CTNNA3: variants seen among roughly 807,000 people sequenced by gnomAD.
The protein encoded by CTNNA3 is catenin alpha 3, also known as catenin alpha-3.
CTNNA3 carries 76 observed loss-of-function variants against 95.7 expected under a neutral mutation model. The observed-to-expected ratio is 0.79, with a 90% CI of 0.66 to 0.96. CTNNA3 has a LOEUF of 0.96. Ranked by LOEUF, CTNNA3 falls within the 40% of genes least tolerant of loss-of-function variation. CTNNA3 has a pLI of 0.00. For synonymous variants in CTNNA3, 431 were observed against 374.4 expected, an observed-to-expected ratio of 1.15 and a Z score of -1.74; for missense variants, 1,191 against 1,089.8, an observed-to-expected ratio of 1.09 and a Z score of -1.31.
At chr10:67,023,366 C>T (rs192519288) in intron 7 of CTNNA3, among the ~76,000 whole-genome samples, 345 of 152,196 alleles carry the variant, frequency 2.3e-3, no homozygotes, top group African/African-American at 7.7e-3. Flanking sequence ...TTCATGCTTC[C>T]TGAAGTCAAG....
intron 11 of CTNNA3, among the ~76,000 whole-genome samples, chr10:66,452,222 T>C (rs1167811906): frequency 1.3e-5 from 2 of 152,242 alleles, no homozygotes; most frequent in African/African-American, 4.8e-5. Context: ...GCATTCTTTA[T>C]ATTCTATTCA....
intron 7 of CTNNA3, among the ~76,000 whole-genome samples, chr10:67,121,850 G>A (rs1380141711): frequency 6.6e-6 from 1 of 151,830 alleles, no homozygotes; most frequent in Admixed American, 6.6e-5. Flanking sequence ...GCCAAACAGG[G>A]ATATAGGTCC....
At chr10:66,209,089 G>A (rs944611009) in intron 13 of CTNNA3, among the ~76,000 whole-genome samples, 59 of 152,020 alleles carry the variant, frequency 3.9e-4, no homozygotes, top group African/African-American at 1.4e-3. Flanking sequence ...ATCTTCTAAT[G>A]AGCTGGCTAT....
At chr10:67,761,029 T>C (rs1423072188) in intron 1 of CTNNA3, among the ~76,000 whole-genome samples, 1 of 152,218 alleles carries the variant, frequency 6.6e-6, no homozygotes, top group East Asian at 1.9e-4. Context: ...AACTGGTCTC[T>C]GGTACCAAAA....
intron 12 of CTNNA3, among the ~76,000 whole-genome samples, chr10:66,298,187 T>A (rs1412762017): frequency 6.6e-6 from 1 of 152,164 alleles, no homozygotes; most frequent in African/African-American, 2.4e-5. Context: ...AGGTAGTTGA[T>A]AAAATAGCAA....
intron 7 of CTNNA3, among the ~76,000 whole-genome samples, chr10:66,908,807 A>C (rs2132550931): frequency 6.6e-6 from 1 of 152,186 alleles, no homozygotes; most frequent in East Asian, 1.9e-4. Flanking sequence ...TGCTTTTTTC[A>C]TGCTAGCACT....
chr10:66,224,018 G>A (rs2089123156), intron 13 of CTNNA3, among the ~76,000 whole-genome samples: 1 of 152,114 alleles, frequency 6.6e-6, no homozygotes, highest in Non-Finnish European at 1.5e-5. Flanking sequence ...GCAACACAGT[G>A]AGGCCCTGTC....
intron 12 of CTNNA3, among the ~76,000 whole-genome samples, chr10:66,285,826 T>C (rs150969083): frequency 7.2e-4 from 110 of 152,038 alleles, no homozygotes; most frequent in African/African-American, 2.6e-3. Flanking sequence ...ATTAAGCATA[T>C]GAATAAGAAG....
intron 5 of CTNNA3, among the ~76,000 whole-genome samples, chr10:67,441,200 C>G (rs1274201773): frequency 6.8e-6 from 1 of 147,190 alleles, no homozygotes; most frequent in Admixed American, 6.8e-5. Context: ...CAGAACTGGT[C>G]AATCAGAAGA....
rs1385173435 is a variant in CTNNA3, at chr10:66,927,328, T to C, written c.1048-151804A>G. The stretch of plus-strand genomic sequence containing the variant: ...CAGACCTGTGACAAATTTACGGAAC[T>C]TGGATCTGTCCTATAATCAGCTGCA... On this transcript the variant is annotated intron_variant, in intron 7 of 17. Coordinates refer to ENST00000433211, the MANE Select transcript of CTNNA3 (RefSeq NM_013266.4). The surrounding 1 kb of genome is among the most constrained non-coding windows in gnomAD (Gnocchi z 4.7). 1.9e-6 allele frequency: 3 copies of C among 1,614,050 alleles called. No individual in the cohort carries two copies. Among genetic ancestry groups the C allele is most frequent in the Admixed American group, 1.7e-5 (1 of 60,002 alleles).
chr10:67,172,618 G>C (rs1459377280), intron 7 of CTNNA3, among the ~76,000 whole-genome samples: 1 of 152,032 alleles, frequency 6.6e-6, no homozygotes, highest in East Asian at 1.9e-4. Context: ...GTTTGCTTGA[G>C]ATGCCTTTTG....
chr10:67,405,025 C>A (rs908456122), intron 5 of CTNNA3, among the ~76,000 whole-genome samples: 11 of 152,052 alleles, frequency 7.2e-5, no homozygotes, highest in African/African-American at 2.7e-4. Flanking sequence ...AATTTGTTAC[C>A]ACCAGACCTG....
At chr10:66,815,471 T>C (rs1360508683) in intron 7 of CTNNA3, among the ~76,000 whole-genome samples, 1 of 152,182 alleles carries the variant, frequency 6.6e-6, no homozygotes, top group Non-Finnish European at 1.5e-5. Context: ...GTTTGACTTG[T>C]CTGGTGGTTC....
At position 67,039,427 on chromosome 10, in the gene CTNNA3, C is replaced by T. The variant is rs74966845; in HGVS notation, c.1047+140890G>A. On this transcript the variant is annotated intron_variant, in intron 7 of 17. Transcript: ENST00000433211. ...AAAAGCCTGCTCTTACAAGTACATT[C>T]GAATGTTCAGAAATTCAAATGAAGC... is the stretch of plus-strand genomic sequence containing the variant. Among the ~76,000 whole-genome samples, 211 of 152,166 alleles carry T rather than the reference C, an allele frequency of 1.4e-3. 3 individuals carry two copies. Among genetic ancestry groups the T allele is most frequent in the Admixed American group, 9.8e-3 (150 of 15,252 alleles).
intron 13 of CTNNA3, among the ~76,000 whole-genome samples, chr10:66,275,469 T>A (rs970681760): frequency 6.6e-6 from 1 of 152,202 alleles, no homozygotes; most frequent in African/African-American, 2.4e-5. Context: ...CACTGTTCAG[T>A]CCTTTACTTT....
At position 66,436,431 on chromosome 10, in the gene CTNNA3, C is replaced by G. The variant is rs371416658; in HGVS notation, c.1532-57079G>C. The stretch of plus-strand genomic sequence containing the variant: ...TTGATCCCTCTACCATTATGTAATG[C>G]CCTTCTTTGTCTTTTTTATCTTTGT... On this transcript the variant is annotated intron_variant, in intron 11 of 17. Coordinates refer to ENST00000433211, the MANE Select transcript of CTNNA3 (RefSeq NM_013266.4). 3.1e-3 allele frequency among the ~76,000 whole-genome samples: 464 copies of G among 151,192 alleles called. 5 individuals carry two copies. The highest frequency in any genetic ancestry group is 0.011 in the African/African-American group (454 of 41,160).
intron 7 of CTNNA3, among the ~76,000 whole-genome samples, chr10:66,993,382 C>T (rs1240514820): frequency 1.3e-5 from 2 of 152,150 alleles, no homozygotes; most frequent in Admixed American, 6.6e-5. Flanking sequence ...GTAAAGTAGA[C>T]TGCACCTCTT....
At chr10:66,295,309 C>T (rs1445091665) in intron 12 of CTNNA3, among the ~76,000 whole-genome samples, 3 of 152,078 alleles carry the variant, frequency 2.0e-5, no homozygotes, top group Admixed American at 6.6e-5. Flanking sequence ...ACATTCTAAG[C>T]GTAGGTTAAG....
chr10:66,146,355 T>C (rs1424458326), intron 13 of CTNNA3, among the ~76,000 whole-genome samples: 1 of 152,146 alleles, frequency 6.6e-6, no homozygotes, highest in East Asian at 1.9e-4. Flanking sequence ...TAGAATATGA[T>C]CTGGTTTACA....
Sources: allele counts gnomAD v4.1 joint callset (sites outside exome capture counted in the v4.1 genomes callset), GRCh38; gene constraint gnomAD v4.1.1; non-coding constraint Gnocchi (gnomAD v3.1); transcripts MANE v1.5; gene names NCBI Gene and HGNC (gene_info 2026-07-23, HGNC 2026-07-21).